Variants in GPR160 observed in about 807,000 individuals in gnomAD.
GPR160 encodes probable G protein-coupled receptor 160.
Under a neutral mutation model 2.6 loss-of-function variants are expected in GPR160, and 2 were observed. That is an observed-to-expected ratio of 0.77 (90% confidence interval 0.32 to 2.44). The LOEUF is 2.44. Among genes scored for constraint, GPR160 ranks in the 30% most tolerant of loss-of-function variants. GPR160 has a pLI of 0.11. For missense variants in GPR160, 351 were observed against 383.6 expected (o/e 0.91, Z 0.71); for synonymous variants, 130 against 132.2 (o/e 0.98, Z 0.12).
chr3:170,045,490 A>ACTC (rs1220445019), intron 2 of GPR160, among the ~76,000 whole-genome samples: 1 of 145,416 alleles, frequency 6.9e-6, no homozygotes, highest in East Asian at 2.0e-4. Flanking sequence ...AGTCCCAGCT[A>ACTC]CTCGGGAGGA....
rs575711402 is a variant in GPR160, at chr3:170,054,819, A to G, written c.-193+15776A>G. On this transcript the variant is annotated intron_variant, in intron 2 of 3. Coordinates refer to ENST00000355897, the MANE Select transcript of GPR160 (RefSeq NM_014373.3). ...TTTCTTTTTTTTTTTTTTGAGACGA[A>G]GTCTTGCTCTGTCACCCGGGGTGGA... is the stretch of plus-strand genomic sequence containing the variant. Among the ~76,000 whole-genome samples the G allele has an allele frequency of 1.3e-4, 19 of 150,818 alleles. 1 individual carries two copies. The East Asian group carries it at 3.7e-3, about 29-fold the overall frequency.
chr3:170,044,969 G>C, intron 2 of GPR160, among the ~76,000 whole-genome samples: 1 of 152,240 alleles, frequency 6.6e-6, no homozygotes, highest in East Asian at 1.9e-4. Context: ...TGAAACTTTC[G>C]GTTAAGGGTC....
chr3:170,039,123 C>T (rs1381219655), intron 2 of GPR160, 80 bp downstream of exon 2: 1 of 152,048 alleles, frequency 6.6e-6, no homozygotes, highest in African/African-American at 2.4e-5. Context: ...GTGTTTAGCT[C>T]TCAGGATTGT....
chr3:170,058,174 G>C (rs1206995007), intron 2 of GPR160: 1 of 152,058 alleles, frequency 6.6e-6, no homozygotes, highest in Non-Finnish European at 1.5e-5. Flanking sequence ...GCTTTAAAAA[G>C]ACCAAAAATG....
intron 2 of GPR160, among the ~76,000 whole-genome samples, chr3:170,054,362 G>C (rs182232986): frequency 5.1e-4 from 78 of 152,214 alleles, no homozygotes; most frequent in Admixed American, 7.9e-4. Flanking sequence ...CTTCAAAATT[G>C]CTTTTGCCTG....
chr3:170,054,508 G>A (rs1236778553), intron 2 of GPR160, among the ~76,000 whole-genome samples: 1 of 152,112 alleles, frequency 6.6e-6, no homozygotes, highest in Admixed American at 6.6e-5. Flanking sequence ...AAGTGTACAG[G>A]TCAATGGCAC....
chr3:170,042,032 C>G (rs1716473371), intron 2 of GPR160, among the ~76,000 whole-genome samples: 1 of 152,120 alleles, frequency 6.6e-6, no homozygotes, highest in South Asian at 2.1e-4. Flanking sequence ...GCAAATGGCT[C>G]CCTTGTTGGG....
chr3:170,064,192 G>A (rs559125788), intron 2 of GPR160, among the ~76,000 whole-genome samples: 1 of 152,078 alleles, frequency 6.6e-6, no homozygotes, highest in Non-Finnish European at 1.5e-5. Flanking sequence ...CAGAAATTAC[G>A]TACTTAATAC....
rs1310679892 is a variant in GPR160, at chr3:170,084,141, T to A, written c.169T>A (p.Tyr57Asn). The A allele has an allele frequency of 3.1e-6, 5 of 1,591,606 alleles. No individual in the cohort carries two copies. The Admixed American group carries it at 9.0e-5, about 29-fold the overall frequency. ...AAACACCTGTCAAAATTTTATGGAA[T>A]ATTTTTGCATTTCACTAGCATTCGT... Reference protein sequence around the residue: ...RKNTCQNFMEYFCISLAFVDL... With the variant: ...RKNTCQNFMENFCISLAFVDL... The change falls in exon 4 of 4, where the codon TAT becomes AAT. Residue 57 changes from tyrosine to asparagine, a missense_variant. Tyr to Asn is a moderately radical substitution (Grantham distance 143). Coordinates refer to ENST00000355897, the MANE Select transcript of GPR160 (RefSeq NM_014373.3).
At chr3:170,050,563 C>T (rs1196089381) in intron 2 of GPR160, among the ~76,000 whole-genome samples, 1 of 152,154 alleles carries the variant, frequency 6.6e-6, no homozygotes, top group Non-Finnish European at 1.5e-5. Flanking sequence ...TGCACCACCA[C>T]GCCCACCTAA....
chr3:170,071,768 C>T (rs1197694282), intron 2 of GPR160, among the ~76,000 whole-genome samples: 4 of 152,164 alleles, frequency 2.6e-5, no homozygotes, highest in African/African-American at 7.2e-5. Context: ...TGCACTCCAG[C>T]CTGGGCAACA....
intron 2 of GPR160, among the ~76,000 whole-genome samples, chr3:170,060,471 C>T (rs7621777): frequency 0.3 from 45,711 of 152,056 alleles, 7,181 homozygotes; most frequent in East Asian, 0.58. Context: ...TCCTCTACAA[C>T]AGTAAAATGG....
At chr3:170,049,440 T>C (rs1392216261) in intron 2 of GPR160, among the ~76,000 whole-genome samples, 1 of 152,226 alleles carries the variant, frequency 6.6e-6, no homozygotes, top group East Asian at 1.9e-4. Flanking sequence ...CAGTAATTAT[T>C]TCCCTCAACC....
intron 2 of GPR160, among the ~76,000 whole-genome samples, chr3:170,055,806 T>G (rs1406736336): frequency 6.6e-6 from 1 of 152,164 alleles, no homozygotes; most frequent in African/African-American, 2.4e-5. Flanking sequence ...GTCTAATTTT[T>G]TGTATTTTTA....
chr3:170,083,778 A>C (rs1713260936), intron 3 of GPR160, 127 bp from the exon 4 acceptor site: 1 of 413,352 alleles, frequency 2.4e-6, no homozygotes, highest in Non-Finnish European at 4.2e-6. Context: ...GTATTATGTG[A>C]CATATAATTC....
chr3:170,063,616 C>T (rs553431056), intron 2 of GPR160, among the ~76,000 whole-genome samples: 97 of 149,296 alleles, frequency 6.5e-4, no homozygotes, highest in African/African-American at 2.3e-3. Flanking sequence ...TAGGAAGCCG[C>T]GCGAGTCTCC....
chr3:170,084,586 C>CGTAA lies in GPR160; in HGVS notation c.614_615insGTAA (p.Thr206Ter), dbSNP rs1213579211. The CGTAA allele has an allele frequency of 2.5e-5, 41 of 1,613,200 alleles. No homozygotes were observed. Among genetic ancestry groups the CGTAA allele is most frequent in the Non-Finnish European group, 3.4e-5 (40 of 1,179,296 alleles). ...TTCATAACCTGTTGGGAAGAAGTTACTACTTTGGTACAGGCTATCAGGATA... is the reference window on the plus strand; with the variant it reads ...TTCATAACCTGTTGGGAAGAAGTTACGTAATACTTTGGTACAGGCTATCAGGATA... On this transcript the variant is annotated stop_gained and frameshift_variant, in exon 4 of 4. Transcript: ENST00000355897. LOFTEE classifies it low-confidence loss of function (END_TRUNC).
chr3:170,039,503 G>T (rs1409854050), intron 2 of GPR160, among the ~76,000 whole-genome samples: 1 of 152,206 alleles, frequency 6.6e-6, no homozygotes, highest in African/African-American at 2.4e-5. Context: ...GAGGTCAGGG[G>T]TTCGAGACCA....
At chr3:170,047,393 A>G (rs185172915) in intron 2 of GPR160, among the ~76,000 whole-genome samples, 136 of 152,332 alleles carry the variant, frequency 8.9e-4, no homozygotes, top group Non-Finnish European at 1.5e-3. Context: ...TTAAAGGGAA[A>G]AGTCTTTTAT....
Sources: allele counts gnomAD v4.1 joint callset (sites outside exome capture counted in the v4.1 genomes callset), GRCh38; gene constraint gnomAD v4.1.1; transcripts MANE v1.5; gene names NCBI Gene and HGNC (gene_info 2026-07-23, HGNC 2026-07-21).